The following NAV2 variants were observed in gnomAD, a reference collection of about 807,000 sequenced individuals.
The protein encoded by NAV2 is neuron navigator 2.
Under a neutral mutation model 223.2 loss-of-function variants are expected in NAV2, and 54 were observed. The observed-to-expected ratio is 0.24, with a 90% CI of 0.19 to 0.30. The LOEUF (loss-of-function observed/expected upper bound fraction) is 0.30, where lower values mean the gene tolerates loss of function less well. Ranked by LOEUF, NAV2 falls within the 10% of genes least tolerant of loss-of-function variation. NAV2 has a pLI of 1.00. For missense variants in NAV2, 2,806 were observed against 3,147.5 expected (o/e 0.89, Z 2.60); for synonymous variants, 1,279 against 1,239.3 (o/e 1.03, Z -0.67).
In NAV2 at chr11:19,895,104, CTTTTTTT is replaced by C. The variant is rs71050690; in HGVS notation, c.931+2527_931+2533del. Among the ~76,000 whole-genome samples, 40 of 99,238 alleles carry C rather than the reference CTTTTTTT, an allele frequency of 4.0e-4. No homozygotes were observed. The South Asian group carries it at 0.014, about 36-fold the overall frequency. The allele number at this position is 99,238 out of a possible 152,430, so 65.1% of individuals were successfully genotyped here. On this transcript the variant is annotated intron_variant, in intron 6 of 37. Coordinates refer to ENST00000349880, the MANE Select transcript of NAV2 (RefSeq NM_145117.5). ...CTTTCTTTTCTTTTTCTTTTTCTTT[CTTTTTTT>C]TTTTTTTTTTTTTTTTGAGACAGAG... is the stretch of plus-strand genomic sequence containing the variant.
chr11:19,826,165 T>C (rs7104867), intron 1 of NAV2, among the ~76,000 whole-genome samples: 131 of 152,300 alleles, frequency 8.6e-4, no homozygotes, highest in African/African-American at 3.1e-3. Flanking sequence ...GGGATGGTGG[T>C]TTTGGTCTTT....
chr11:19,644,654 A>G (rs866985145), intron 1 of NAV2, among the ~76,000 whole-genome samples: 21 of 152,258 alleles, frequency 1.4e-4, no homozygotes, highest in Non-Finnish European at 2.5e-4. Flanking sequence ...GGAAAGAAGT[A>G]GTGGATTTTC....
chr11:19,845,049 T>C (rs575125739), intron 3 of NAV2, among the ~76,000 whole-genome samples: 1 of 152,310 alleles, frequency 6.6e-6, no homozygotes, highest in African/African-American at 2.4e-5. Context: ...TCATTGTTCT[T>C]GCCCCTACAT....
intron 1 of NAV2, among the ~76,000 whole-genome samples, chr11:19,510,278 T>A (rs1449540677): frequency 6.6e-6 from 1 of 152,242 alleles, no homozygotes; most frequent in African/African-American, 2.4e-5. Context: ...AGTTACACTA[T>A]GAGTTTGCTA....
intron 6 of NAV2, among the ~76,000 whole-genome samples, chr11:19,906,861 G>A (rs987577089): frequency 6.6e-6 from 1 of 152,128 alleles, no homozygotes; most frequent in Non-Finnish European, 1.5e-5. Flanking sequence ...GGGATTCTTG[G>A]TATTCACAGG....
intron 4 of NAV2, 53 bp from the exon 5 acceptor site, chr11:19,879,816 T>C: frequency 6.2e-7 from 1 of 1,610,150 alleles, no homozygotes; most frequent in Non-Finnish European, 8.5e-7. Context: ...AACAGCCCAT[T>C]GAACAGGAAG....
At chr11:19,700,761 C>A (rs2049488364) in intron 1 of NAV2, among the ~76,000 whole-genome samples, 2 of 152,198 alleles carry the variant, frequency 1.3e-5, no homozygotes, top group Non-Finnish European at 2.9e-5. Flanking sequence ...GCTAACATAG[C>A]ACTTGCCTCA....
intron 1 of NAV2, among the ~76,000 whole-genome samples, chr11:19,700,605 G>A (rs183014018): frequency 5.3e-5 from 8 of 152,258 alleles, no homozygotes; most frequent in Non-Finnish European, 1.0e-4. Flanking sequence ...TGGGGTTGGG[G>A]ACCCAGATTT....
intron 9 of NAV2, among the ~76,000 whole-genome samples, chr11:19,946,756 C>T (rs369830654): frequency 7.2e-4 from 110 of 152,276 alleles, no homozygotes; most frequent in African/African-American, 2.6e-3. Context: ...ATACTGTAGA[C>T]CAGCTCTATT....
chr11:19,982,169 T>A (rs1160320380), intron 10 of NAV2, among the ~76,000 whole-genome samples: 1 of 152,166 alleles, frequency 6.6e-6, no homozygotes, highest in African/African-American at 2.4e-5. Flanking sequence ...TAATCATTTT[T>A]TATATTTTTA....
rs142194164 is a variant in NAV2 at position 19,486,872 on chromosome 11, A to G, written c.75+135845A>G. Among the ~76,000 whole-genome samples the G allele has an allele frequency of 3.3e-3, 509 of 152,292 alleles. 4 individuals are homozygous for G. Among genetic ancestry groups the G allele is most frequent in the African/African-American group, 0.011 (454 of 41,570 alleles). ...TTCTTCAGATGTGAAACAATCTTCTATCCATTGGAACACCTTCTGGGATCG... is the reference window on the plus strand; with the variant it reads ...TTCTTCAGATGTGAAACAATCTTCTGTCCATTGGAACACCTTCTGGGATCG... On this transcript the variant is annotated intron_variant, in intron 1 of 37. Coordinates refer to the NAV2 transcript ENST00000360655.
At chr11:19,351,692 G>A (rs1417370689) in intron 1 of NAV2, among the ~76,000 whole-genome samples, 1 of 151,582 alleles carries the variant, frequency 6.6e-6, no homozygotes, top group East Asian at 1.9e-4. Context: ...CACTCTTGGG[G>A]CATAGCTAAG....
intron 1 of NAV2, 87 bp downstream of exon 1, chr11:19,714,049 G>C: frequency 1.3e-6 from 2 of 1,506,986 alleles, no homozygotes; most frequent in Non-Finnish European, 1.8e-6. Context: ...GGCTGGATGG[G>C]AGAAGGGTCT....
intron 1 of NAV2, among the ~76,000 whole-genome samples, chr11:19,473,930 A>G (rs1306949244): frequency 6.6e-6 from 1 of 152,176 alleles, no homozygotes; most frequent in African/African-American, 2.4e-5. Context: ...TCCTTGGCTG[A>G]ATTTGAGACA....
chr11:19,429,501 C>T (rs1030218938), intron 1 of NAV2, among the ~76,000 whole-genome samples: 2 of 152,164 alleles, frequency 1.3e-5, no homozygotes, highest in African/African-American at 4.8e-5. Flanking sequence ...CTCTCTGAAC[C>T]TCAGTTTCAT....
intron 1 of NAV2, among the ~76,000 whole-genome samples, chr11:19,584,753 A>C (rs7127281): frequency 0.86 from 131,503 of 152,092 alleles, 59,556 homozygotes; most frequent in Non-Finnish European, 1. Flanking sequence ...ACAGTTTGTT[A>C]TAATTTCTGT....
At chr11:19,495,005 C>A (rs1012929364) in intron 1 of NAV2, among the ~76,000 whole-genome samples, 6 of 152,160 alleles carry the variant, frequency 3.9e-5, no homozygotes, top group African/African-American at 1.4e-4. Flanking sequence ...AGGTCAGGAA[C>A]CCCCTGACAG....
At chr11:20,032,112 G>A (rs2153558672) in intron 11 of NAV2, among the ~76,000 whole-genome samples, 1 of 152,314 alleles carries the variant, frequency 6.6e-6, no homozygotes, top group Admixed American at 6.5e-5. Context: ...AGAAGCAAAG[G>A]AGACATGGCT....
chr11:19,800,995 G>T (rs1207775228), intron 1 of NAV2, among the ~76,000 whole-genome samples: 1 of 152,154 alleles, frequency 6.6e-6, no homozygotes, highest in Non-Finnish European at 1.5e-5. Flanking sequence ...AGGTTGTTAG[G>T]ACTGAACATT....
Sources: allele counts gnomAD v4.1 joint callset (sites outside exome capture counted in the v4.1 genomes callset), GRCh38; gene constraint gnomAD v4.1.1; transcripts MANE v1.5; gene names NCBI Gene and HGNC (gene_info 2026-07-23, HGNC 2026-07-21).